NAV1: variants seen among roughly 807,000 people sequenced by gnomAD.
The protein encoded by NAV1 is pore membrane and/or filament interacting like protein 3.
NAV1 carries 18 observed loss-of-function variants against 175.2 expected under a neutral mutation model. That is an observed-to-expected ratio of 0.10 (90% confidence interval 0.07 to 0.15). The LOEUF is 0.15. Among genes scored for constraint, NAV1 ranks in the 10% least tolerant of loss-of-function variants. The pLI, the probability that NAV1 is intolerant of heterozygous loss-of-function variation, is 1.00. For synonymous variants in NAV1, 897 were observed against 978.7 expected, an observed-to-expected ratio of 0.92 and a Z score of 1.56; for missense variants, 1,731 against 2,436.6, an observed-to-expected ratio of 0.71 and a Z score of 6.10.
intron 3 of NAV1, among the ~76,000 whole-genome samples, chr1:201,730,913 G>A (rs1672828757): frequency 6.6e-6 from 1 of 152,216 alleles, no homozygotes; most frequent in Admixed American, 6.5e-5. Context: ...GCCAGGCAGA[G>A]GGACTTACCT....
At chr1:201,654,075 C>T (rs1669305857) in intron 1 of NAV1, among the ~76,000 whole-genome samples, 1 of 152,210 alleles carries the variant, frequency 6.6e-6, no homozygotes, top group Non-Finnish European at 1.5e-5. Context: ...CATGGCTCTG[C>T]CTCTGAGAGT....
chr1:201,708,207 G>A (rs954203889), intron 1 of NAV1, among the ~76,000 whole-genome samples: 1 of 152,168 alleles, frequency 6.6e-6, no homozygotes, highest in Non-Finnish European at 1.5e-5. Context: ...GGACTATGCT[G>A]CTGTTTGTGG....
chr1:201,640,182 T>G (rs1399864336), intron 2 of NAV1, among the ~76,000 whole-genome samples: 1 of 152,184 alleles, frequency 6.6e-6, no homozygotes, highest in African/African-American at 2.4e-5. Context: ...ACACCTGATC[T>G]GTAGCCCAGA....
chr1:201,604,444 C>T (rs1455334757), intron 2 of NAV1, among the ~76,000 whole-genome samples: 1 of 151,950 alleles, frequency 6.6e-6, no homozygotes, highest in South Asian at 2.1e-4. Context: ...TTTGGGAGGC[C>T]GAGGTGGATA....
At chr1:201,648,719 C>T in exon 1 of NAV1, 3 of 1,413,996 alleles carry the variant, frequency 2.1e-6, no homozygotes, top group South Asian at 3.1e-5. Context: ...AGCTGAGCAG[C>T]GGCGGCGGCG....
Position 201,802,879 on chromosome 1 carries a change from T to G in NAV1, c.3518-714T>G, listed in dbSNP as rs560741593. On this transcript the variant is annotated intron_variant, in intron 15 of 29. Transcript: ENST00000367296. ...TCACTTTTTTCTGTACCCCCACATG[T>G]GCCCTCTGCTGCTTCCATTCCAGAC... 5.9e-5 allele frequency among the ~76,000 whole-genome samples: 9 copies of G among 152,298 alleles called. No homozygotes were observed. In the East Asian group the frequency reaches 1.7e-3, roughly 29 times the overall value.
At chr1:201,734,553 A>G (rs569598700) in intron 3 of NAV1, among the ~76,000 whole-genome samples, 1 of 147,162 alleles carries the variant, frequency 6.8e-6, no homozygotes, top group African/African-American at 2.5e-5. Flanking sequence ...TACTTTCTCA[A>G]TACATTGTAT....
intron 1 of NAV1, among the ~76,000 whole-genome samples, chr1:201,557,265 G>T (rs1666050626): frequency 6.6e-6 from 1 of 152,190 alleles, no homozygotes; most frequent in Admixed American, 6.5e-5. Flanking sequence ...CAACTTCTGT[G>T]CTGCTCCTTT....
intron 28 of NAV1, 37 bp from the exon 33 acceptor site, chr1:201,817,051 A>C: frequency 1.3e-6 from 2 of 1,594,850 alleles, no homozygotes; most frequent in Non-Finnish European, 1.7e-6. Flanking sequence ...CTAATCTGTT[A>C]ATTCCCCACA....
At chr1:201,747,424 A>G (rs1253516865) in intron 3 of NAV1, among the ~76,000 whole-genome samples, 3 of 152,226 alleles carry the variant, frequency 2.0e-5, no homozygotes, top group Admixed American at 6.5e-5. Flanking sequence ...AAACAGAAGT[A>G]GTATTTCTGC....
chr1:201,733,872 G>A (rs1672972466), intron 3 of NAV1, among the ~76,000 whole-genome samples: 1 of 152,208 alleles, frequency 6.6e-6, no homozygotes, highest in South Asian at 2.1e-4. Flanking sequence ...GTGCCATGCT[G>A]AGGACTTTGG....
At chr1:201,556,578 A>G (rs1195524015) in intron 1 of NAV1, among the ~76,000 whole-genome samples, 1 of 152,158 alleles carries the variant, frequency 6.6e-6, no homozygotes, top group Non-Finnish European at 1.5e-5. Context: ...TGCAGGAATT[A>G]AGTCAGGCAA....
chr1:201,660,116 G>A (rs1200275599), intron 1 of NAV1, among the ~76,000 whole-genome samples: 3 of 152,150 alleles, frequency 2.0e-5, no homozygotes, highest in African/African-American at 4.8e-5. Context: ...TTTACAGCAT[G>A]GCCTCCCTGT....
At chr1:201,599,052 T>C (rs563673642) in intron 2 of NAV1, among the ~76,000 whole-genome samples, 2 of 152,278 alleles carry the variant, frequency 1.3e-5, no homozygotes, top group East Asian at 1.9e-4. Context: ...ACTTAGCATA[T>C]GGGGAGGCAT....
intron 2 of NAV1, among the ~76,000 whole-genome samples, chr1:201,611,175 C>T (rs560076606): frequency 1.3e-5 from 2 of 152,322 alleles, no homozygotes; most frequent in East Asian, 3.9e-4. Context: ...GGCTGCCCAT[C>T]CTTGTCTTTC....
Position 201,787,523 on chromosome 1 carries a change from C to G in NAV1, c.2996-945C>G. 1 of 390,250 alleles carries G rather than the reference C, an allele frequency of 2.6e-6. No individual in the cohort carries two copies. The highest frequency in any genetic ancestry group is 1.9e-5 in the South Asian group (1 of 51,646). 24.2% of individuals were successfully genotyped at this position (390,250 alleles called of 1,614,324 possible). ...AAATGGAGGATGGGGCCAGCTTGTT[C>G]TCTATCTCCATTGAAGACCAAATAA... On this transcript the variant is annotated intron_variant, in intron 9 of 29. Coordinates refer to ENST00000367296, the Ensembl canonical transcript of NAV1. The surrounding 1 kb of genome is among the most constrained non-coding windows in gnomAD (Gnocchi z 4.3).
chr1:201,783,924 TC>T, intron 7 of NAV1, 72 bp downstream of exon 11: 2 of 1,386,848 alleles, frequency 1.4e-6, no homozygotes, highest in Non-Finnish European at 1.9e-6. Flanking sequence ...GGCAATACTA[TC>T]CTATATTTTA....
chr1:201,726,136 T>C (rs1461967413), intron 3 of NAV1, among the ~76,000 whole-genome samples: 1 of 152,220 alleles, frequency 6.6e-6, no homozygotes, highest in African/African-American at 2.4e-5. Flanking sequence ...GATGCTTCTT[T>C]GTGGTGTAGG....
intron 3 of NAV1, among the ~76,000 whole-genome samples, chr1:201,767,094 C>T (rs1675255659): frequency 6.6e-6 from 1 of 151,156 alleles, no homozygotes; most frequent in South Asian, 2.1e-4. Flanking sequence ...GCTGGGATTA[C>T]AGGTGTGAGC....
Sources: gnomAD v4.1 joint callset for allele counts (sites outside exome capture counted in the v4.1 genomes callset) on GRCh38, gnomAD v4.1.1 for gene constraint, Gnocchi (gnomAD v3.1) non-coding constraint, MANE v1.5 for transcripts, NCBI Gene and HGNC (gene_info 2026-07-23, HGNC 2026-07-21) for gene names.